The following SLC9A2 variants were observed in gnomAD, a reference collection of about 807,000 sequenced individuals.
SLC9A2 encodes the protein solute carrier family 9 member A2, also known as sodium/hydrogen exchanger 2.
Under a neutral mutation model 71.7 loss-of-function variants are expected in SLC9A2, and 42 were observed. That is an observed-to-expected ratio of 0.59 (90% confidence interval 0.46 to 0.76). The LOEUF (loss-of-function observed/expected upper bound fraction) is 0.76. Among genes scored for constraint, SLC9A2 ranks in the 30% least tolerant of loss-of-function variants. SLC9A2 has a pLI of 0.00. For missense variants in SLC9A2, 829 were observed against 1,017.4 expected (o/e 0.81, Z 2.52); for synonymous variants, 396 against 392.5 (o/e 1.01, Z -0.10).
chr2:102,643,692 A>G (rs11123941), intron 1 of SLC9A2, among the ~76,000 whole-genome samples: 73,134 of 151,982 alleles, frequency 0.48, 18,307 homozygotes, highest in East Asian at 0.77. Flanking sequence ...GAGTGGAATA[A>G]AGAAAAATGC....
At position 102,698,029 on chromosome 2, in the gene SLC9A2, T is replaced by C. The variant is rs1389970355; in HGVS notation, c.1586+2916T>C. Among the ~76,000 whole-genome samples, 9 of 152,304 alleles carry C rather than the reference T, an allele frequency of 5.9e-5. No homozygotes were observed. In the East Asian group the frequency reaches 1.7e-3, roughly 29 times the overall value. On this transcript the variant is annotated intron_variant, in intron 7 of 11. Coordinates refer to ENST00000233969, the MANE Select transcript of SLC9A2 (RefSeq NM_003048.6). ...TGGAAATGAAGCAAGGAAAACGCAC[T>C]ATCCCTACACGAAATAGAGCAGATG...
chr2:102,620,211 C>T, intron 1 of SLC9A2, 74 bp downstream of exon 1: 2 of 1,336,876 alleles, frequency 1.5e-6, no homozygotes, highest in Non-Finnish European at 2.1e-6. Flanking sequence ...CCGGGTCAGC[C>T]AGCTGACCTC....
At chr2:102,630,414 T>TA in intron 1 of SLC9A2, among the ~76,000 whole-genome samples, 1 of 152,238 alleles carries the variant, frequency 6.6e-6, no homozygotes, top group African/African-American at 2.4e-5. Context: ...CTTTTGTTGG[T>TA]AAGTGGAATT....
intron 1 of SLC9A2, among the ~76,000 whole-genome samples, chr2:102,623,076 A>G (rs76721803): frequency 0.012 from 1,842 of 152,218 alleles, 34 homozygotes; most frequent in African/African-American, 0.042. Flanking sequence ...TAGCCCAGAT[A>G]TGTTTATATT....
intron 3 of SLC9A2, among the ~76,000 whole-genome samples, chr2:102,674,260 G>C (rs1238397310): frequency 6.6e-6 from 1 of 152,126 alleles, no homozygotes; most frequent in Non-Finnish European, 1.5e-5. Context: ...GTCAAGCTTG[G>C]CCCTTCCTTG....
intron 11 of SLC9A2, among the ~76,000 whole-genome samples, chr2:102,707,324 T>G (rs1206839738): frequency 6.6e-6 from 1 of 151,510 alleles, no homozygotes; most frequent in Non-Finnish European, 1.5e-5. Flanking sequence ...TTTGCTTGTT[T>G]ATTTAATTAA....
chr2:102,668,201 C>A (rs1363501867), intron 3 of SLC9A2, among the ~76,000 whole-genome samples: 1 of 152,136 alleles, frequency 6.6e-6, no homozygotes, highest in South Asian at 2.1e-4. Flanking sequence ...ACCATGTGCA[C>A]CCATTATTCT....
chr2:102,698,777 T>G (rs1204264502), intron 7 of SLC9A2, among the ~76,000 whole-genome samples: 1 of 152,200 alleles, frequency 6.6e-6, no homozygotes, highest in African/African-American at 2.4e-5. Context: ...CACTGTTTCT[T>G]TCATTGTGTC....
Position 102,708,245 on chromosome 2 carries a change from A to C in SLC9A2, c.2195A>C (p.Lys732Thr). 6.2e-7 allele frequency: 1 copy of C among 1,614,218 alleles called. No homozygotes were observed. The highest frequency in any genetic ancestry group is 8.5e-7 in the Non-Finnish European group (1 of 1,180,042). ...KSPQSYKMEW[K>T]NEVDVDSGRD... ...CCCCAGTCCTATAAAATGGAATGGA[A>C]GAATGAGGTAGATGTTGATTCTGGC... The change falls in exon 12 of 12, where the codon AAG (lysine) becomes ACG (threonine). Residue 732 changes from lysine to threonine, a missense_variant. Lys to Thr is a moderately conservative substitution (Grantham distance 78). This residue lies in a region of SLC9A2 where 223 missense variants were observed against 197.5 expected (regional missense o/e 1.13). Coordinates refer to ENST00000233969, the MANE Select transcript of SLC9A2 (RefSeq NM_003048.6).
intron 3 of SLC9A2, among the ~76,000 whole-genome samples, chr2:102,668,910 G>A (rs561036993): frequency 1.3e-5 from 2 of 152,224 alleles, no homozygotes; most frequent in South Asian, 2.1e-4. Context: ...TGTTCTAGAC[G>A]GATGTCACTT....
intron 1 of SLC9A2, among the ~76,000 whole-genome samples, chr2:102,638,391 A>G (rs914169351): frequency 6.6e-6 from 1 of 152,232 alleles, no homozygotes. Context: ...AATGGTTGAC[A>G]TACTCTGACC....
chr2:102,654,701 T>A (rs545373081), intron 1 of SLC9A2, among the ~76,000 whole-genome samples: 21 of 152,328 alleles, frequency 1.4e-4, no homozygotes, highest in Non-Finnish European at 2.8e-4. Flanking sequence ...GCAAAACGCA[T>A]CATTAGGCGA....
In SLC9A2 at chr2:102,619,703, A is replaced by G. The variant is rs1421363542; in HGVS notation, c.-146A>G. 15 of 646,848 alleles carry G rather than the reference A, an allele frequency of 2.3e-5. No homozygotes were observed. Among genetic ancestry groups the G allele is most frequent in the Admixed American group, 4.2e-5 (1 of 23,870 alleles). 40.1% of individuals were successfully genotyped at this position (646,848 alleles called of 1,614,324 possible). A position where few individuals can be genotyped will look rare whatever the true frequency, so the allele number is the denominator to read the frequency against. On this transcript the variant is annotated 5_prime_UTR_variant, in exon 1 of 12. Coordinates refer to ENST00000233969, the MANE Select transcript of SLC9A2 (RefSeq NM_003048.6). This position sits in a 1 kb window ranked among gnomAD's most constrained non-coding sequence, Gnocchi z 4.3. ...CGAGGACCTAGCCCTCTGGTTGCAGAGACCCGGTGCCGCAGCAGCGGCGGG... is the reference window on the plus strand; with the variant it reads ...CGAGGACCTAGCCCTCTGGTTGCAGGGACCCGGTGCCGCAGCAGCGGCGGG...
At chr2:102,679,032 G>T (rs767327893) in intron 3 of SLC9A2, among the ~76,000 whole-genome samples, 15 of 152,166 alleles carry the variant, frequency 9.9e-5, no homozygotes, top group South Asian at 6.2e-4. Context: ...CCGGACCTTT[G>T]CTTGAGAGGC....
intron 7 of SLC9A2, chr2:102,697,534 T>C (rs1677789886): frequency 6.6e-6 from 1 of 151,252 alleles, no homozygotes; most frequent in African/African-American, 2.4e-5. Context: ...TTGTAAGTAT[T>C]GATATATTTC....
chr2:102,642,127 T>C (rs1676595071), intron 1 of SLC9A2, among the ~76,000 whole-genome samples: 1 of 152,110 alleles, frequency 6.6e-6, no homozygotes, highest in South Asian at 2.1e-4. Context: ...ATTTATCAAT[T>C]TCTAGGAAGG....
chr2:102,636,360 T>A (rs753094736), intron 1 of SLC9A2, among the ~76,000 whole-genome samples: 3 of 152,234 alleles, frequency 2.0e-5, no homozygotes, highest in Non-Finnish European at 2.9e-5. Flanking sequence ...GCCATGTAAA[T>A]AACTGGTGAA....
intron 3 of SLC9A2, among the ~76,000 whole-genome samples, chr2:102,670,028 A>G (rs1022227206): frequency 3.4e-5 from 3 of 87,354 alleles, no homozygotes; most frequent in African/African-American, 1.1e-4. Context: ...TTATTTTTTT[A>G]TTTTTATTTT....
chr2:102,666,345 G>A (rs757454176), intron 3 of SLC9A2, among the ~76,000 whole-genome samples: 3 of 151,844 alleles, frequency 2.0e-5, no homozygotes, highest in Non-Finnish European at 2.9e-5. Flanking sequence ...GCAGGCGCCC[G>A]CCACCACACC....
Sources: allele counts gnomAD v4.1 joint callset (sites outside exome capture counted in the v4.1 genomes callset), GRCh38; gene constraint gnomAD v4.1.1; regional missense constraint gnomAD v4.1.1; non-coding constraint Gnocchi (gnomAD v3.1); transcripts MANE v1.5; gene names NCBI Gene and HGNC (gene_info 2026-07-23, HGNC 2026-07-21).